The following SPECC1L variants were observed in gnomAD, a reference collection of about 807,000 sequenced individuals.
SPECC1L encodes the protein sperm antigen with calponin homology and coiled-coil domains 1 like.
SPECC1L carries 40 observed loss-of-function variants against 116.8 expected under a neutral mutation model. That is an observed-to-expected ratio of 0.34 (90% confidence interval 0.27 to 0.45). SPECC1L has a LOEUF of 0.45. SPECC1L is among the 20% of genes least tolerant of loss of function. SPECC1L has a pLI of 1.00. For missense variants in SPECC1L, 1,110 were observed against 1,373.6 expected, an observed-to-expected ratio of 0.81 and a Z score of 3.03; for synonymous variants, 504 against 500.6, an observed-to-expected ratio of 1.01 and a Z score of -0.09.
chr22:24,278,238 G>C (rs1316950940), intron 2 of SPECC1L, among the ~76,000 whole-genome samples: 1 of 152,182 alleles, frequency 6.6e-6, no homozygotes, highest in Admixed American at 6.5e-5. Context: ...GCACACACCT[G>C]TAGTCCCAGC....
chr22:24,291,066 A>G (rs1279980078), intron 2 of SPECC1L, among the ~76,000 whole-genome samples: 1 of 152,264 alleles, frequency 6.6e-6, no homozygotes, highest in Admixed American at 6.5e-5. Flanking sequence ...GTCTGTTCTT[A>G]ATTTACAATT....
At chr22:24,309,330 C>T (rs896320679) in intron 3 of SPECC1L, among the ~76,000 whole-genome samples, 1 of 152,164 alleles carries the variant, frequency 6.6e-6, no homozygotes, top group Non-Finnish European at 1.5e-5. Context: ...CTTATTTTCT[C>T]TCCACCCTAG....
chr22:24,275,447 T>C (rs186532973), intron 1 of SPECC1L, among the ~76,000 whole-genome samples: 5 of 152,336 alleles, frequency 3.3e-5, no homozygotes, highest in Admixed American at 6.5e-5. Flanking sequence ...TAATGTCTTA[T>C]TTTGGCACCC....
chr22:24,325,433 CTG>C (rs1198307007), intron 6 of SPECC1L, among the ~76,000 whole-genome samples: 1 of 152,176 alleles, frequency 6.6e-6, no homozygotes, highest in Non-Finnish European at 1.5e-5. Flanking sequence ...GTAGTCATGA[CTG>C]TAGAGATTGT....
At chr22:24,381,015 A>G (rs1039419671) in intron 14 of SPECC1L, among the ~76,000 whole-genome samples, 4 of 152,238 alleles carry the variant, frequency 2.6e-5, no homozygotes, top group Non-Finnish European at 4.4e-5. Flanking sequence ...TCTGCTGTCC[A>G]GAGACAACCA....
chr22:24,300,728 T>G (rs1050181763), intron 2 of SPECC1L, among the ~76,000 whole-genome samples: 3 of 151,718 alleles, frequency 2.0e-5, no homozygotes, highest in African/African-American at 7.2e-5. Context: ...TGATCAGTGA[T>G]GTTGATATAC....
intron 8 of SPECC1L, among the ~76,000 whole-genome samples, chr22:24,332,907 G>C (rs1251538772): frequency 6.6e-6 from 1 of 152,084 alleles, no homozygotes; most frequent in Non-Finnish European, 1.5e-5. Flanking sequence ...CAAAAAGTTT[G>C]ATAGTCACTG....
chr22:24,324,645 G>A (rs982301645), intron 6 of SPECC1L, among the ~76,000 whole-genome samples: 1 of 152,142 alleles, frequency 6.6e-6, no homozygotes, highest in African/African-American at 2.4e-5. Context: ...GAGTTGAGGA[G>A]TTTGAGACCA....
intron 14 of SPECC1L, among the ~76,000 whole-genome samples, chr22:24,395,570 T>A (rs1214100802): frequency 6.6e-6 from 1 of 152,220 alleles, no homozygotes; most frequent in East Asian, 1.9e-4. Flanking sequence ...AAGAGACATT[T>A]TCATGGATTG....
At chr22:24,387,077 C>A (rs370403555) in intron 14 of SPECC1L, among the ~76,000 whole-genome samples, 1 of 152,190 alleles carries the variant, frequency 6.6e-6, no homozygotes, top group Non-Finnish European at 1.5e-5. Context: ...CTAAACTGTT[C>A]TAGCCAGTTT....
In SPECC1L at chr22:24,321,385, C is replaced by T. The variant is rs769106775; in HGVS notation, c.405C>T (p.Ser135=). The T allele has an allele frequency of 5.0e-6, 8 of 1,614,244 alleles. No homozygotes were observed. In the South Asian group the frequency reaches 7.7e-5, roughly 16 times the overall value. ...RLRERTRLNQ[S]KKLPSAGQGA... ...GTGAACGTACCCGATTAAACCAGAG[C>T]AAAAAACTACCTTCTGCAGGTCAGG... Residue 135 remains serine (S), a synonymous_variant, in exon 5 of 17, where the codon AGC becomes AGT. Coordinates refer to ENST00000314328, the MANE Select transcript of SPECC1L (RefSeq NM_015330.6).
rs373009311 is a variant in SPECC1L at position 24,414,652 on chromosome 22, G to C, written c.*29G>C. 1.2e-6 allele frequency: 2 copies of C among 1,602,002 alleles called. No homozygotes were observed. The highest frequency in any genetic ancestry group is 1.7e-6 in the Non-Finnish European group (2 of 1,169,934). On this transcript the variant is annotated 3_prime_UTR_variant, in exon 17 of 17. Coordinates refer to ENST00000314328, the MANE Select transcript of SPECC1L (RefSeq NM_015330.6). ...TGCCGGGAGGAGCCGCCCCAATAGC[G>C]GGGGTACCCCTCCACAGCGACCGAG...
rs562154819 is a variant in SPECC1L, at chr22:24,328,037, A to G, written c.2147-809A>G. Among the ~76,000 whole-genome samples the G allele has an allele frequency of 3.9e-5, 6 of 152,342 alleles. No individual in the cohort carries two copies. In the East Asian group the frequency reaches 5.8e-4, roughly 15 times the overall value. ...TGAGCTGTCAAAGTAACACAGCCGT[A>G]AGCGGTTTACTTAGTGGCAGCTATC... On this transcript the variant is annotated intron_variant, in intron 6 of 16. Transcript: ENST00000314328.
chr22:24,288,543 T>G (rs17004892), intron 2 of SPECC1L, among the ~76,000 whole-genome samples: 5,068 of 151,890 alleles, frequency 0.033, 172 homozygotes, highest in African/African-American at 0.082. Flanking sequence ...GACTTAGTTT[T>G]TACTACACTG....
Position 24,322,352 on chromosome 22 carries a change from C to A in SPECC1L, c.1372C>A (p.His458Asn). 1 of 1,614,198 alleles carries A rather than the reference C, an allele frequency of 6.2e-7. No homozygotes were observed. Among genetic ancestry groups the A allele is most frequent in the Non-Finnish European group, 8.5e-7 (1 of 1,180,026 alleles). ...ATGTCAGCAGAGCGATAAGTTGGAACACTTTAGTCGACAGATTGAATACTT... is the reference window on the plus strand; with the variant it reads ...ATGTCAGCAGAGCGATAAGTTGGAAAACTTTAGTCGACAGATTGAATACTT... The part of the protein sequence containing the change: ...SLCQQSDKLE[H>N]FSRQIEYFRS... Residue 458 changes from histidine to asparagine, a missense_variant, in exon 5 of 17, where the codon CAC becomes AAC. Physicochemically the swap from His to Asn is moderately conservative, Grantham distance 68. Coordinates refer to ENST00000314328, the MANE Select transcript of SPECC1L (RefSeq NM_015330.6).
At chr22:24,371,703 T>A (rs2146656067) in intron 14 of SPECC1L, among the ~76,000 whole-genome samples, 1 of 152,176 alleles carries the variant, frequency 6.6e-6, no homozygotes, top group Admixed American at 6.5e-5. Context: ...TCAAGGGGAT[T>A]GACATTGATT....
chr22:24,390,872 C>CTTTTCTTTTTT (rs2042253331), intron 14 of SPECC1L, among the ~76,000 whole-genome samples: 6 of 57,112 alleles, frequency 1.1e-4, no homozygotes, highest in African/African-American at 4.5e-4. Flanking sequence ...TTTTTCTTTT[C>CTTTTCTTTTTT]TTTTTTTTTT....
chr22:24,346,448 T>G lies in SPECC1L; in HGVS notation c.2653-638T>G, dbSNP rs370860149. Among the ~76,000 whole-genome samples the G allele has an allele frequency of 1.2e-4, 19 of 152,320 alleles. 1 individual carries two copies. In the South Asian group the frequency reaches 3.7e-3, roughly 30 times the overall value. On this transcript the variant is annotated intron_variant, in intron 10 of 16. Coordinates refer to ENST00000314328, the MANE Select transcript of SPECC1L (RefSeq NM_015330.6). ...AGCAAGCGGGTGGCAGAATTGAGAT[T>G]TATTTGAACCAGGACTTGAATGGTC...
chr22:24,354,748 G>A (rs754272895), intron 11 of SPECC1L, among the ~76,000 whole-genome samples: 1 of 148,112 alleles, frequency 6.8e-6, no homozygotes, highest in South Asian at 2.1e-4. Flanking sequence ...TGCAACCTGC[G>A]CCCCCTGGGT....
Sources: gnomAD v4.1 joint callset for allele counts (sites outside exome capture counted in the v4.1 genomes callset) on GRCh38, gnomAD v4.1.1 for gene constraint, MANE v1.5 for transcripts, NCBI Gene and HGNC (gene_info 2026-07-23, HGNC 2026-07-21) for gene names.